UBR1: variants seen among roughly 807,000 people sequenced by gnomAD.
The protein encoded by UBR1 is ubiquitin protein ligase E3 component n-recognin 1.
UBR1 carries 102 observed loss-of-function variants against 242.1 expected under a neutral mutation model. The observed-to-expected ratio is 0.42, with a 90% CI of 0.36 to 0.50. The LOEUF (loss-of-function observed/expected upper bound fraction) is 0.50. Ranked by LOEUF, UBR1 falls within the 20% of genes least tolerant of loss-of-function variation. UBR1 has a pLI of 0.01. For synonymous variants in UBR1, 675 were observed against 684.8 expected, an observed-to-expected ratio of 0.99 and a Z score of 0.22; for missense variants, 1,772 against 2,101.8, an observed-to-expected ratio of 0.84 and a Z score of 3.07.
At chr15:43,028,992 A>T (rs2033215836) in intron 21 of UBR1, among the ~76,000 whole-genome samples, 1 of 151,866 alleles carries the variant, frequency 6.6e-6, no homozygotes, top group African/African-American at 2.4e-5. Flanking sequence ...GGCTGAGGAA[A>T]GAGGATCGCT....
intron 23 of UBR1, chr15:43,025,803 C>T: frequency 4.9e-6 from 1 of 203,946 alleles, no homozygotes; most frequent in South Asian, 1.0e-4. Flanking sequence ...GACGTATGTG[C>T]CTAATAATGG....
intron 21 of UBR1, among the ~76,000 whole-genome samples, chr15:43,028,795 AT>A (rs1319580702): frequency 2.0e-5 from 3 of 150,508 alleles, no homozygotes; most frequent in Non-Finnish European, 4.4e-5. Context: ...ATATATATAT[AT>A]TCCTTGGCCG....
At chr15:42,950,418 G>C (rs2031815387) in intron 45 of UBR1, 55 bp from the exon 46 acceptor site, 1 of 1,466,314 alleles carries the variant, frequency 6.8e-7, no homozygotes, top group African/African-American at 1.4e-5. Flanking sequence ...CAAATGATAG[G>C]CACTGCATCA....
intron 1 of UBR1, 127 bp from the exon 2 acceptor site, chr15:43,086,367 C>T: frequency 8.9e-7 from 1 of 1,124,630 alleles, no homozygotes; most frequent in Non-Finnish European, 1.2e-6. Flanking sequence ...TTCACCAATA[C>T]AGAAGGAAAG....
At chr15:43,060,187 G>A in intron 6 of UBR1, 73 bp from the exon 7 acceptor site, 1 of 1,385,312 alleles carries the variant, frequency 7.2e-7, no homozygotes, top group African/African-American at 1.4e-5. Flanking sequence ...GTAGCCCAAA[G>A]ACTTAATGAG....
chr15:42,990,253 T>C, intron 33 of UBR1, 133 bp from the exon 34 acceptor site: 2 of 675,770 alleles, frequency 3.0e-6, no homozygotes, highest in Non-Finnish European at 5.2e-6. Flanking sequence ...GGCATGATCA[T>C]CTGTAGCTTC....
At chr15:42,947,069 T>C (rs1285877682) in intron 46 of UBR1, among the ~76,000 whole-genome samples, 1 of 152,150 alleles carries the variant, frequency 6.6e-6, no homozygotes, top group Non-Finnish European at 1.5e-5. Context: ...GAGAATCGCT[T>C]GAACCCTGGA....
At chr15:42,980,334 A>G (rs1190044434) in intron 37 of UBR1, among the ~76,000 whole-genome samples, 3 of 152,228 alleles carry the variant, frequency 2.0e-5, no homozygotes, top group Non-Finnish European at 4.4e-5. Context: ...ATGCACAATT[A>G]AACACCTCGG....
At chr15:43,080,990 A>G (rs955210616) in intron 3 of UBR1, among the ~76,000 whole-genome samples, 13 of 152,302 alleles carry the variant, frequency 8.5e-5, no homozygotes, top group Admixed American at 5.2e-4. Context: ...TTGTATGGAC[A>G]TAAGTTTTCA....
Position 42,998,113 on chromosome 15 carries a change from A to G in UBR1, c.3757+55T>C, listed in dbSNP as rs1311764716. Reference sequence around the variant, plus strand: ...TTTAGCCCAATAATTATTTAAAAAAATAAAGATTCTGACACCATCTTCACA... The same window carrying G: ...TTTAGCCCAATAATTATTTAAAAAAGTAAAGATTCTGACACCATCTTCACA... On this transcript the variant is annotated intron_variant, in intron 33 of 46. Coordinates refer to ENST00000290650, the MANE Select transcript of UBR1 (RefSeq NM_174916.3). The G allele has an allele frequency of 3.4e-6, 5 of 1,451,692 alleles. No homozygotes were observed. The East Asian group carries it at 1.2e-4, about 34-fold the overall frequency. The allele number at this position is 1,451,692 out of a possible 1,614,324, so 89.9% of individuals were successfully genotyped here.
rs570272443 is a variant in UBR1, at chr15:43,026,741, T to C, written c.2433-78A>G. 168 of 1,289,738 alleles carry C rather than the reference T, an allele frequency of 1.3e-4. No homozygotes were observed. In the African/African-American group the frequency reaches 2.2e-3, roughly 17 times the overall value. The allele number at this position is 1,289,738 out of a possible 1,614,324, so 79.9% of individuals were successfully genotyped here. On this transcript the variant is annotated intron_variant, in intron 22 of 46. Coordinates refer to ENST00000290650, the MANE Select transcript of UBR1 (RefSeq NM_174916.3). ...ATAGACAAAATAAAAACCTAAAAAT[T>C]AATCTAGAAGTCAAATATACAGAAA... is the stretch of plus-strand genomic sequence containing the variant.
intron 25 of UBR1, among the ~76,000 whole-genome samples, chr15:43,023,552 T>C (rs553967208): frequency 1.0e-3 from 127 of 124,920 alleles, no homozygotes; most frequent in African/African-American, 3.8e-3. Flanking sequence ...ATTGTGTCAC[T>C]GCACTCCAGC....
intron 1 of UBR1, chr15:43,091,967 T>C (rs771973945): frequency 2.3e-6 from 1 of 439,328 alleles, no homozygotes; most frequent in African/African-American, 2.1e-5. Flanking sequence ...ATACCTGTGG[T>C]CCCAGCTATT....
intron 27 of UBR1, among the ~76,000 whole-genome samples, chr15:43,019,206 T>C (rs1239191081): frequency 2.6e-5 from 4 of 151,296 alleles, no homozygotes; most frequent in African/African-American, 9.7e-5. Flanking sequence ...GGACTACAGG[T>C]ACCCGCCACC....
chr15:42,987,433 A>T (rs1384739731), intron 35 of UBR1, among the ~76,000 whole-genome samples: 1 of 152,222 alleles, frequency 6.6e-6, no homozygotes, highest in African/African-American at 2.4e-5. Flanking sequence ...TGTGGCTTCA[A>T]GGCCGGGTGT....
chr15:43,076,263 G>C (rs965595834), intron 3 of UBR1, among the ~76,000 whole-genome samples: 24 of 152,134 alleles, frequency 1.6e-4, no homozygotes, highest in African/African-American at 5.8e-4. Context: ...ATTGCAGACG[G>C]AGTCTCGTTC....
chr15:43,016,840 G>A (rs1799216643), intron 28 of UBR1, among the ~76,000 whole-genome samples: 1 of 152,176 alleles, frequency 6.6e-6, no homozygotes, highest in Non-Finnish European at 1.5e-5. Flanking sequence ...GCCTCTCAAA[G>A]AGCTGGGATT....
Position 42,985,380 on chromosome 15 carries a change from T to C in UBR1, c.3998-438A>G, listed in dbSNP as rs141472166. 9.0e-3 allele frequency among the ~76,000 whole-genome samples: 1,376 copies of C among 152,258 alleles called. 17 individuals carry two copies. The highest frequency in any genetic ancestry group is 0.031 in the African/African-American group (1,307 of 41,536). ...TACAATTTTTTTTTTGAGACAGACTTTCGCTCTTGTTGCCCAAGCTGGAGT... is the reference window on the plus strand; with the variant it reads ...TACAATTTTTTTTTTGAGACAGACTCTCGCTCTTGTTGCCCAAGCTGGAGT... On this transcript the variant is annotated intron_variant, in intron 35 of 46. Transcript: ENST00000290650.
Position 42,964,027 on chromosome 15 carries a change from C to T in UBR1, c.4608G>A (p.Glu1536=), listed in dbSNP as rs1567109671. ...EELHTNSAEG[E]YSALCSYLSL... ...ATAGATAGCTACAGAGTGCACTGTA[C>T]TCTCCTTCTGCAGAATCTGCAAGAG... is the stretch of plus-strand genomic sequence containing the variant. Residue 1536 remains glutamate, a synonymous_variant, in exon 42 of 47, where the codon GAG becomes GAA. Transcript: ENST00000290650. The T allele has an allele frequency of 1.2e-6, 2 of 1,612,084 alleles. No homozygotes were observed. The highest frequency in any genetic ancestry group is 8.5e-7 in the Non-Finnish European group (1 of 1,178,300).
Sources: gnomAD v4.1 joint callset for allele counts (sites outside exome capture counted in the v4.1 genomes callset) on GRCh38, gnomAD v4.1.1 for gene constraint, MANE v1.5 for transcripts, NCBI Gene and HGNC (gene_info 2026-07-23, HGNC 2026-07-21) for gene names.